The following NCOA3 variants were observed in gnomAD, a reference collection of about 807,000 sequenced individuals.
NCOA3 encodes the protein nuclear receptor coactivator 3.
Under a neutral mutation model 158.8 loss-of-function variants are expected in NCOA3, and 51 were observed. The observed-to-expected ratio is 0.32, with a 90% CI of 0.26 to 0.41. The LOEUF is 0.41. Among genes scored for constraint, NCOA3 ranks in the 10% least tolerant of loss-of-function variants. The probability of loss-of-function intolerance (pLI) is 1.00; values close to 1 mark genes in which losing one functional copy is unlikely to be tolerated. For missense variants in NCOA3, 1,510 were observed against 1,746.6 expected (o/e 0.86, Z 2.41); for synonymous variants, 537 against 592.4 (o/e 0.91, Z 1.36).
At chr20:47,532,931 C>T (rs903344153) in intron 1 of NCOA3, among the ~76,000 whole-genome samples, 5 of 151,420 alleles carry the variant, frequency 3.3e-5, no homozygotes, top group Non-Finnish European at 7.4e-5. Flanking sequence ...TGGTGAAACC[C>T]CGTCTGTACT....
chr20:47,649,824 G>A (rs1449598867), intron 19 of NCOA3, among the ~76,000 whole-genome samples: 1 of 152,020 alleles, frequency 6.6e-6, no homozygotes, highest in Admixed American at 6.6e-5. Flanking sequence ...GATGATAAAA[G>A]CTTGCTTTTT....
At chr20:47,551,990 G>A (rs754011005) in intron 1 of NCOA3, among the ~76,000 whole-genome samples, 19 of 152,172 alleles carry the variant, frequency 1.2e-4, no homozygotes, top group Non-Finnish European at 2.5e-4. Context: ...AAATCCTAAT[G>A]TACCAGGTTG....
chr20:47,639,604 C>G lies in NCOA3; in HGVS notation c.2735C>G (p.Thr912Ser). Residue 912 changes from threonine to serine, a missense_variant, in exon 15 of 23, where the codon ACT becomes AGT. This residue lies in a region of NCOA3 where 1,017 missense variants were observed against 1,098.3 expected (regional missense o/e 0.93). Coordinates refer to ENST00000371998, the MANE Select transcript of NCOA3 (RefSeq NM_181659.3). ...GGGCCAAACCGAAATGTGACTGTGA[C>G]TCAGACTCCTTCCTCAGGAGACTGG... is the stretch of plus-strand genomic sequence containing the variant. ...MGGPNRNVTVTQTPSSGDWGL... is the reference protein window; with the variant it reads ...MGGPNRNVTVSQTPSSGDWGL... The G allele has an allele frequency of 6.2e-7, 1 of 1,613,754 alleles. No homozygotes were observed. The highest frequency in any genetic ancestry group is 8.5e-7 in the Non-Finnish European group (1 of 1,179,860).
At chr20:47,624,532 G>C (rs1477762406) in intron 4 of NCOA3, among the ~76,000 whole-genome samples, 1 of 152,148 alleles carries the variant, frequency 6.6e-6, no homozygotes, top group African/African-American at 2.4e-5. Flanking sequence ...AGGGGCTGTT[G>C]TTAATACAGA....
At chr20:47,538,853 C>T (rs1330278945) in intron 1 of NCOA3, among the ~76,000 whole-genome samples, 1 of 152,236 alleles carries the variant, frequency 6.6e-6, no homozygotes. Flanking sequence ...CACTATTCTT[C>T]TCTTTCAGAT....
At chr20:47,573,439 C>T (rs529041090) in intron 1 of NCOA3, among the ~76,000 whole-genome samples, 1 of 152,068 alleles carries the variant, frequency 6.6e-6, no homozygotes, top group East Asian at 1.9e-4. Flanking sequence ...ACTGATTACA[C>T]ATCACCATAA....
In NCOA3 at chr20:47,573,025, C is replaced by T. The variant is rs2085318001; in HGVS notation, c.-98-10158C>T. Reference sequence around the variant, plus strand: ...ATTGGAGCAGTGAGAATATACACAGCATTTACTGATTAAGTTTACCATCTT... The same window carrying T: ...ATTGGAGCAGTGAGAATATACACAGTATTTACTGATTAAGTTTACCATCTT... On this transcript the variant is annotated intron_variant, in intron 1 of 22. Coordinates refer to ENST00000371998, the MANE Select transcript of NCOA3 (RefSeq NM_181659.3). Among the ~76,000 whole-genome samples, 4 of 152,162 alleles carry T rather than the reference C, an allele frequency of 2.6e-5. No individual in the cohort carries two copies. In the South Asian group the frequency reaches 8.3e-4, roughly 32 times the overall value.
rs2086814405 is a variant in NCOA3, at chr20:47,652,583, A to G, written c.4121+3A>G. 2 of 1,604,036 alleles carry G rather than the reference A, an allele frequency of 1.2e-6. No homozygotes were observed. Among genetic ancestry groups the G allele is most frequent in the East Asian group, 2.2e-5 (1 of 44,502 alleles). ...TCAGGAAATTTGGCCAGGAACAGGT[A>G]AAGAACAGTGACTTATAAAGTTAGT... On this transcript the variant is annotated splice_donor_region_variant and intron_variant, in intron 21 of 22. Coordinates refer to ENST00000371998, the MANE Select transcript of NCOA3 (RefSeq NM_181659.3).
intron 2 of NCOA3, among the ~76,000 whole-genome samples, chr20:47,611,126 C>T (rs1389390132): frequency 6.6e-6 from 1 of 152,172 alleles, no homozygotes; most frequent in African/African-American, 2.4e-5. Context: ...CTTCTCAATA[C>T]TGTCTTTTCC....
rs71183262 is a variant in NCOA3, at chr20:47,542,009, G to GTTTTTTTGTTTTTTTTTTT, written c.-99+39997_-99+39998insGTTTTTTTTTTTTTTTTTT. Among the ~76,000 whole-genome samples the GTTTTTTTGTTTTTTTTTTT allele has an allele frequency of 5.9e-4, 33 of 56,352 alleles. 1 individual carries two copies. The highest frequency in any genetic ancestry group is 8.0e-4 in the Non-Finnish European group (23 of 28,698). 37.0% of individuals were successfully genotyped at this position (56,352 alleles called of 152,430 possible). On this transcript the variant is annotated intron_variant, in intron 1 of 22. Transcript: ENST00000371998. The stretch of plus-strand genomic sequence containing the variant: ...ATCAAATTATTTTTTGCCCTGTAGA[G>GTTTTTTTGTTTTTTTTTTT]TTTTTTTTTTTTTTTTTTTTTGTTG...
rs2086883122 is a variant in NCOA3, at chr20:47,656,731, T to TTTC, written c.*3315_*3316insTCT. The TTTC allele has an allele frequency of 6.6e-6, 1 of 152,554 alleles. No individual in the cohort carries two copies. Among genetic ancestry groups the TTTC allele is most frequent in the African/African-American group, 2.4e-5 (1 of 41,422 alleles). The allele number at this position is 152,554 out of a possible 1,614,324, so 9.5% of individuals were successfully genotyped here. A position where few individuals can be genotyped will look rare whatever the true frequency, so the allele number is the denominator to read the frequency against. ...GAATTCAGTTTCAATCAAGTTTACATTATGTTGCTTAAAAAAATAGAAATT... is the reference window on the plus strand; with the variant it reads ...GAATTCAGTTTCAATCAAGTTTACATTTCTATGTTGCTTAAAAAAATAGAAATT... On this transcript the variant is annotated 3_prime_UTR_variant, in exon 23 of 23. Transcript: ENST00000371998.
intron 1 of NCOA3, among the ~76,000 whole-genome samples, chr20:47,519,137 A>G (rs1452477839): frequency 1.4e-5 from 2 of 147,912 alleles, no homozygotes; most frequent in South Asian, 4.3e-4. Flanking sequence ...CTCCATCTCA[A>G]AAAAAAAAAA....
In NCOA3 at chr20:47,611,938, C is replaced by T. The variant is rs1449587449; in HGVS notation, c.-19-10291C>T. On this transcript the variant is annotated intron_variant, in intron 2 of 22. Transcript: ENST00000371998. ...CTCCTGGGCTCAGGTGATACCCCCA[C>T]CTCAGCCTCCCGAGTAGCTGCGACT... Among the ~76,000 whole-genome samples, 3 of 152,146 alleles carry T rather than the reference C, an allele frequency of 2.0e-5. No homozygotes were observed. In the East Asian group the frequency reaches 5.8e-4, roughly 29 times the overall value.
At chr20:47,537,122 G>A (rs2084646986) in intron 1 of NCOA3, among the ~76,000 whole-genome samples, 1 of 151,992 alleles carries the variant, frequency 6.6e-6, no homozygotes. Flanking sequence ...TTTGTTTTAA[G>A]CAAAGAAGTT....
chr20:47,515,304 A>G (rs2084214283), intron 1 of NCOA3, among the ~76,000 whole-genome samples: 1 of 151,662 alleles, frequency 6.6e-6, no homozygotes, highest in Non-Finnish European at 1.5e-5. Context: ...CTGGGACTAC[A>G]GGCGCGCACC....
chr20:47,547,381 T>A (rs1287047184), intron 1 of NCOA3, among the ~76,000 whole-genome samples: 1 of 151,042 alleles, frequency 6.6e-6, no homozygotes, highest in Non-Finnish European at 1.5e-5. Context: ...GTTCCTAGTT[T>A]TTGTTGATTT....
chr20:47,556,757 T>C (rs2085014316), intron 1 of NCOA3, among the ~76,000 whole-genome samples: 1 of 152,202 alleles, frequency 6.6e-6, no homozygotes, highest in Admixed American at 6.5e-5. Context: ...TTCTTTAACA[T>C]GTCCCATTCT....
At chr20:47,542,009 G>GTTTTTTTTTTTTTTTTTTTTTTTTTT (rs755173294) in intron 1 of NCOA3, among the ~76,000 whole-genome samples, 15 of 56,350 alleles carry the variant, frequency 2.7e-4, no homozygotes, top group Non-Finnish European at 3.5e-4. Context: ...GCCCTGTAGA[G>GTTTTTTTTTTTTTTTTTTTTTTTTTT]TTTTTTTTTT....
chr20:47,580,248 G>A (rs1178073913), intron 1 of NCOA3, among the ~76,000 whole-genome samples: 1 of 151,962 alleles, frequency 6.6e-6, no homozygotes, highest in Non-Finnish European at 1.5e-5. Flanking sequence ...GGTCCATTAT[G>A]CTACTAGATA....
Sources: gnomAD v4.1 joint callset for allele counts (sites outside exome capture counted in the v4.1 genomes callset) on GRCh38, gnomAD v4.1.1 for gene constraint, gnomAD v4.1.1 regional missense constraint, MANE v1.5 for transcripts, NCBI Gene and HGNC (gene_info 2026-07-23, HGNC 2026-07-21) for gene names.